Variants in AHNAK observed in about 807,000 individuals in gnomAD.
AHNAK encodes AHNAK nucleoprotein, also known as neuroblast differentiation-associated protein AHNAK.
A neutral mutation model predicts 37.8 loss-of-function variants in AHNAK; 23 were observed. The ratio of observed to expected loss-of-function variants is 0.61; its 90% CI spans 0.44 to 0.86. The LOEUF (loss-of-function observed/expected upper bound fraction) is 0.86, where lower values mean the gene tolerates loss of function less well. Ranked by LOEUF, AHNAK falls within the 40% of genes least tolerant of loss-of-function variation. AHNAK has a pLI of 0.00. For missense variants in AHNAK, 7,411 were observed against 7,319.4 expected (o/e 1.01, Z -0.46); for synonymous variants, 2,481 against 2,636.3 (o/e 0.94, Z 1.80).
At chr11:62,500,447 G>A (rs780043391) in intron 4 of AHNAK, among the ~76,000 whole-genome samples, 3 of 152,170 alleles carry the variant, frequency 2.0e-5, no homozygotes, top group Non-Finnish European at 2.9e-5. Flanking sequence ...GGCCCAGAGA[G>A]TCATGTGTGC....
chr11:62,445,623 T>C (rs1032731751), intron 5 of AHNAK, among the ~76,000 whole-genome samples: 3 of 151,830 alleles, frequency 2.0e-5, no homozygotes, highest in African/African-American at 4.8e-5. Flanking sequence ...GGAGGCTGAA[T>C]GGGGAGGATC....
chr11:62,519,428 C>A lies in AHNAK; in HGVS notation c.14989G>T (p.Asp4997Tyr). 3.1e-6 allele frequency: 5 copies of A among 1,611,778 alleles called. No homozygotes were observed. Among genetic ancestry groups the A allele is most frequent in the Non-Finnish European group, 4.2e-6 (5 of 1,179,046 alleles). Residue 4997 changes from aspartate (D) to tyrosine (Y), a missense_variant, in exon 5 of 5, where the codon GAT becomes TAT. Asp to Tyr is a radical substitution (Grantham distance 160, BLOSUM62 -3). Transcript: ENST00000378024. ...AGCTCTGCCTCAGGAACAGTGACAT[C>A]CAGTGAAGGTGACTTGATGTCAGCT... ...PKADIKSPSL[D>Y]VTVPEAELNL...
intron 5 of AHNAK, among the ~76,000 whole-genome samples, chr11:62,448,313 A>G (rs1239642364): frequency 1.3e-5 from 2 of 152,176 alleles, no homozygotes; most frequent in Non-Finnish European, 2.9e-5. Flanking sequence ...GTGTGTTACT[A>G]AAAGATCCCT....
At chr11:62,472,123 C>T (rs889547532) in intron 5 of AHNAK, among the ~76,000 whole-genome samples, 5 of 152,060 alleles carry the variant, frequency 3.3e-5, no homozygotes, top group Non-Finnish European at 7.4e-5. Context: ...GCCCACAGGC[C>T]CCCTTTCCCA....
Position 62,526,011 on chromosome 11 carries a change from C to G in AHNAK, c.8406G>C (p.Val2802=). 1 of 1,613,986 alleles carries G rather than the reference C, an allele frequency of 6.2e-7. No individual in the cohort carries two copies. Among genetic ancestry groups the G allele is most frequent in the Non-Finnish European group, 8.5e-7 (1 of 1,180,004 alleles). Residue 2802 remains valine, a synonymous_variant, in exon 5 of 5, where the codon GTG becomes GTC. Coordinates refer to ENST00000378024, the MANE Select transcript of AHNAK (RefSeq NM_001620.3). ...TATTCACATCGGGACATTCAACATC[C>G]ACTTTCGGTCCTGAGACATCAATGT... ...KADIDVSGPK[V]DVECPDVNIE...
Position 62,518,316 on chromosome 11 carries a change from T to C in AHNAK, c.16101A>G (p.Gly5367=), listed in dbSNP as rs146188257. The C allele has an allele frequency of 2.7e-5, 43 of 1,614,162 alleles. No homozygotes were observed. The African/African-American group carries it at 4.5e-4, about 17-fold the overall frequency. ...NVGAPDVTLR[G]PSLQGDLAVS... Reference sequence around the variant, plus strand: ...CAGCCAGATCTCCCTGCAGGCTTGGTCCCCTCAGTGTCACATCTGGTGCCC... The same window carrying C: ...CAGCCAGATCTCCCTGCAGGCTTGGCCCCCTCAGTGTCACATCTGGTGCCC... The change falls in exon 5 of 5, where the codon GGA becomes GGG. Residue 5367 remains glycine, a synonymous_variant. Transcript: ENST00000378024.
At chr11:62,474,535 G>T (rs1939104541) in intron 5 of AHNAK, among the ~76,000 whole-genome samples, 1 of 152,136 alleles carries the variant, frequency 6.6e-6, no homozygotes, top group Non-Finnish European at 1.5e-5. Flanking sequence ...CACCTTAAGT[G>T]GAAGAACTGA....
Position 62,528,733 on chromosome 11 carries a change from T to A in AHNAK, c.5684A>T (p.Asp1895Val). Residue 1895 changes from aspartate (D) to valine (V), a missense_variant, in exon 5 of 5, where the codon GAT becomes GTT. Asp to Val is a radical substitution (Grantham distance 152). Coordinates refer to ENST00000378024, the MANE Select transcript of AHNAK (RefSeq NM_001620.3). ...TGPSVGVEVP[D>V]VELECPDAKL... Reference sequence around the variant, plus strand: ...TGCATCAGGACACTCCAGCTCAACATCAGGCACCTCCACACCCACACTGGG... The same window carrying A: ...TGCATCAGGACACTCCAGCTCAACAACAGGCACCTCCACACCCACACTGGG... 6.2e-7 allele frequency: 1 copy of A among 1,611,924 alleles called. No individual in the cohort carries two copies. The highest frequency in any genetic ancestry group is 8.5e-7 in the Non-Finnish European group (1 of 1,179,622).
chr11:62,509,260 A>G (rs967852031), intron 4 of AHNAK, among the ~76,000 whole-genome samples: 2 of 152,178 alleles, frequency 1.3e-5, no homozygotes, highest in Admixed American at 1.3e-4. Context: ...AAAACTGAGA[A>G]ACTATTACAG....
chr11:62,439,251 C>T (rs775354901), intron 5 of AHNAK, among the ~76,000 whole-genome samples: 15 of 152,072 alleles, frequency 9.9e-5, no homozygotes, highest in East Asian at 1.9e-4. Flanking sequence ...CCCGCCACCA[C>T]GCCTAGCTAA....
chr11:62,491,858 G>C (rs944898120), intron 4 of AHNAK: 1 of 1,585,406 alleles, frequency 6.3e-7, no homozygotes, highest in South Asian at 1.1e-5. Context: ...TTATCACCAG[G>C]TCACTCATCA....
intron 5 of AHNAK, among the ~76,000 whole-genome samples, chr11:62,485,390 A>AAAAAC (rs930144480): frequency 7.2e-5 from 11 of 152,062 alleles, no homozygotes; most frequent in Admixed American, 7.2e-4. Context: ...AGACCCTGTC[A>AAAAAC]AAAACAAAAC....
At chr11:62,456,471 C>G (rs1240631086) in intron 5 of AHNAK, among the ~76,000 whole-genome samples, 1 of 152,206 alleles carries the variant, frequency 6.6e-6, no homozygotes, top group African/African-American at 2.4e-5. Flanking sequence ...GGGAAACTGA[C>G]ACTCAGAGAG....
chr11:62,483,712 A>G (rs1939325031), intron 5 of AHNAK, among the ~76,000 whole-genome samples: 1 of 152,110 alleles, frequency 6.6e-6, no homozygotes, highest in South Asian at 2.1e-4. Flanking sequence ...CAAAAAAAAT[A>G]GCCAGGCGTG....
intron 5 of AHNAK, among the ~76,000 whole-genome samples, chr11:62,448,994 G>A (rs943905667): frequency 2.6e-5 from 4 of 152,086 alleles, no homozygotes; most frequent in East Asian, 3.8e-4. Context: ...TGTGAACCCC[G>A]GAGGCAGAGG....
At chr11:62,482,553 C>T (rs1281159355) in intron 5 of AHNAK, among the ~76,000 whole-genome samples, 3 of 152,182 alleles carry the variant, frequency 2.0e-5, no homozygotes, top group Non-Finnish European at 2.9e-5. Flanking sequence ...ACTGCCAAAT[C>T]GGGATATAAT....
At position 62,523,988 on chromosome 11, in the gene AHNAK, T is replaced by C. The variant is rs1429958095; in HGVS notation, c.10429A>G (p.Met3477Val). 1 of 1,613,352 alleles carries C rather than the reference T, an allele frequency of 6.2e-7. No individual in the cohort carries two copies. Among genetic ancestry groups the C allele is most frequent in the South Asian group, 1.1e-5 (1 of 91,030 alleles). The change falls in exon 5 of 5, where the codon ATG becomes GTG. Residue 3477 changes from methionine to valine, a missense_variant. Coordinates refer to ENST00000378024, the MANE Select transcript of AHNAK (RefSeq NM_001620.3). Reference protein sequence around the residue: ...GPDWNLKMPKMKMPKFSVSGL... With the variant: ...GPDWNLKMPKVKMPKFSVSGL... The stretch of plus-strand genomic sequence containing the variant: ...GACACACTGAATTTGGGCATTTTCA[T>C]CTTGGGCATTTTCAGATTCCAGTCT...
At chr11:62,457,908 A>ATTTTTTT (rs373610508) in intron 5 of AHNAK, among the ~76,000 whole-genome samples, 3 of 123,514 alleles carry the variant, frequency 2.4e-5, no homozygotes, top group Non-Finnish European at 5.0e-5. Context: ...GAGAAGCTGA[A>ATTTTTTT]TTTTTTTTTT....
chr11:62,505,832 C>T (rs950115284), intron 4 of AHNAK, among the ~76,000 whole-genome samples: 3 of 150,956 alleles, frequency 2.0e-5, no homozygotes, highest in Non-Finnish European at 2.9e-5. Context: ...TCTCTCGTTT[C>T]CCCCCTTAGT....
Sources: allele counts gnomAD v4.1 joint callset (sites outside exome capture counted in the v4.1 genomes callset), GRCh38; gene constraint gnomAD v4.1.1; transcripts MANE v1.5; gene names NCBI Gene and HGNC (gene_info 2026-07-23, HGNC 2026-07-21).